Variants in DROSHA observed in about 807,000 individuals in gnomAD.
DROSHA encodes ribonuclease 3.
A neutral mutation model predicts 181.9 loss-of-function variants in DROSHA; 56 were observed. The observed-to-expected ratio is 0.31, with a 90% confidence interval of 0.25 to 0.38. The LOEUF (loss-of-function observed/expected upper bound fraction) is 0.38. Ranked by LOEUF, DROSHA falls within the 10% of genes least tolerant of loss-of-function variation. The pLI is 1.00. For synonymous variants in DROSHA, 524 were observed against 591.2 expected (o/e 0.89, Z 1.65); for missense variants, 1,218 against 1,743.5 (o/e 0.70, Z 5.37).
At chr5:31,403,422 T>C (rs1444405885) in intron 35 of DROSHA, among the ~76,000 whole-genome samples, 1 of 152,176 alleles carries the variant, frequency 6.6e-6, no homozygotes, top group Non-Finnish European at 1.5e-5. Flanking sequence ...TATACATATA[T>C]ATACACACAC....
In DROSHA at chr5:31,451,541, G is replaced by C; in HGVS notation, c.2674C>G (p.Leu892Val). ...AGGAGAATAATTCTTACCTGCAACA[G>C]ACAACGATCTTGGAAAGTATATCCT... ...LIGYTFQDRC[L>V]LQLAMTHPSH... is the part of the protein sequence containing the mutation. The change falls in exon 21 of 36, where the codon CTG becomes GTG. Residue 892 changes from leucine to valine, a missense_variant. Leu to Val is a conservative substitution (Grantham distance 32). Transcript: ENST00000344624. The C allele has an allele frequency of 6.2e-7, 1 of 1,609,976 alleles. No individual in the cohort carries two copies. Among genetic ancestry groups the C allele is most frequent in the Non-Finnish European group, 8.5e-7 (1 of 1,177,980 alleles).
At position 31,408,914 on chromosome 5, in the gene DROSHA, A is replaced by G. The variant is rs570149214; in HGVS notation, c.3854+142T>C. ...CCCAGTGAGTTTCCCTGTGGGGCCC[A>G]AAGTCACACTAACAGCCAAGAAGTC... On this transcript the variant is annotated intron_variant, in intron 33 of 35. Transcript: ENST00000344624. 27 of 727,074 alleles carry G rather than the reference A, an allele frequency of 3.7e-5. No individual in the cohort carries two copies. The South Asian group carries it at 4.6e-4, about 12-fold the overall frequency. 45.0% of individuals were successfully genotyped at this position (727,074 alleles called of 1,614,324 possible).
intron 13 of DROSHA, among the ~76,000 whole-genome samples, chr5:31,489,643 C>T (rs1424357873): frequency 6.7e-6 from 1 of 148,778 alleles, no homozygotes; most frequent in Non-Finnish European, 1.5e-5. Flanking sequence ...ACATCCTATA[C>T]TGACTTATAC....
At chr5:31,422,345 A>AG (rs981952058) in intron 29 of DROSHA, among the ~76,000 whole-genome samples, 2 of 152,132 alleles carry the variant, frequency 1.3e-5, no homozygotes, top group Non-Finnish European at 2.9e-5. Context: ...CATCTAGAGC[A>AG]GGGGTCAGAG....
rs149953630 is a variant in DROSHA, at chr5:31,442,384, T to C, written c.2883-5086A>G. Reference sequence around the variant, plus strand: ...AGTGGGCTGCTAGTCCTCACAGCAGTAGCAAATCTTTTGTTCCTTCTTTCA... The same window carrying C: ...AGTGGGCTGCTAGTCCTCACAGCAGCAGCAAATCTTTTGTTCCTTCTTTCA... On this transcript the variant is annotated intron_variant, in intron 23 of 35. Transcript: ENST00000344624. Among the ~76,000 whole-genome samples the C allele has an allele frequency of 2.3e-4, 35 of 152,294 alleles. No homozygotes were observed. In the East Asian group the frequency reaches 6.4e-3, roughly 28 times the overall value.
chr5:31,508,585 T>C (rs973723321), intron 10 of DROSHA, 36 bp downstream of exon 10: 2 of 1,613,308 alleles, frequency 1.2e-6, no homozygotes, highest in Admixed American at 1.7e-5. Flanking sequence ...ATGTCTGGGT[T>C]TGCAACCTTC....
intron 23 of DROSHA, among the ~76,000 whole-genome samples, chr5:31,445,140 C>T (rs944249531): frequency 2.0e-5 from 3 of 152,158 alleles, no homozygotes; most frequent in African/African-American, 7.2e-5. Flanking sequence ...TTTCCAACTC[C>T]CCATCTTAAA....
At chr5:31,518,843 C>A (rs1342728173) in intron 6 of DROSHA, among the ~76,000 whole-genome samples, 1 of 152,158 alleles carries the variant, frequency 6.6e-6, no homozygotes, top group Non-Finnish European at 1.5e-5. Context: ...TGTTTTATTG[C>A]CAAGAAACAC....
intron 17 of DROSHA, among the ~76,000 whole-genome samples, chr5:31,471,406 TAAAGAA>T (rs1358064604): frequency 6.6e-6 from 1 of 152,152 alleles, no homozygotes; most frequent in East Asian, 1.9e-4. Context: ...AAAATTGATA[TAAAGAA>T]AATGTTATGT....
At position 31,401,359 on chromosome 5, in the gene DROSHA, A is replaced by G. The variant is rs766853644; in HGVS notation, c.*73T>C. On this transcript the variant is annotated 3_prime_UTR_variant, in exon 36 of 36. Coordinates refer to ENST00000344624, the MANE Select transcript of DROSHA (RefSeq NM_001382508.1). The stretch of plus-strand genomic sequence containing the variant: ...CACTTCATTCATTGTCTGCAGGAAA[A>G]CTAGGCTAGGTCTCAATAGACAACA... The G allele has an allele frequency of 1.3e-6, 2 of 1,579,180 alleles. No individual in the cohort carries two copies. Among genetic ancestry groups the G allele is most frequent in the Non-Finnish European group, 1.7e-6 (2 of 1,155,736 alleles).
chr5:31,409,035 C>T lies in DROSHA; in HGVS notation c.3854+21G>A, dbSNP rs1193941938. On this transcript the variant is annotated intron_variant, in intron 33 of 35. Coordinates refer to ENST00000344624, the MANE Select transcript of DROSHA (RefSeq NM_001382508.1). This position sits in a 1 kb window ranked among gnomAD's most constrained non-coding sequence, Gnocchi z 4.0. The stretch of plus-strand genomic sequence containing the variant: ...AGGCATGCTGGATCCAACCAATGGC[C>T]TGCAGGCAACAAGTACTTACTTGTA... The T allele has an allele frequency of 1.2e-6, 2 of 1,609,136 alleles. No individual in the cohort carries two copies. Among genetic ancestry groups the T allele is most frequent in the East Asian group, 4.5e-5 (2 of 44,832 alleles).
intron 8 of DROSHA, among the ~76,000 whole-genome samples, chr5:31,511,931 GCACACA>G (rs140148677): frequency 8.9e-5 from 13 of 145,494 alleles, no homozygotes; most frequent in Non-Finnish European, 1.5e-5. Flanking sequence ...TCACACACAC[GCACACA>G]CACACACACA....
At chr5:31,496,873 T>C (rs1249109446) in intron 11 of DROSHA, among the ~76,000 whole-genome samples, 1 of 152,250 alleles carries the variant, frequency 6.6e-6, no homozygotes, top group African/African-American at 2.4e-5. Flanking sequence ...GCATCAGGTC[T>C]TTGAGGAAGC....
intron 21 of DROSHA, 145 bp from the exon 22 acceptor site, chr5:31,449,564 C>T (rs1278537254): frequency 2.2e-6 from 2 of 898,686 alleles, no homozygotes; most frequent in Middle Eastern, 7.0e-4. Flanking sequence ...GCCATCTCTA[C>T]AAAAAATAAA....
intron 13 of DROSHA, among the ~76,000 whole-genome samples, chr5:31,487,296 G>C (rs1580266726): frequency 6.6e-6 from 1 of 152,182 alleles, no homozygotes; most frequent in African/African-American, 2.4e-5. Flanking sequence ...TTAGCCACTA[G>C]AGTATACCCC....
intron 6 of DROSHA, among the ~76,000 whole-genome samples, chr5:31,517,868 C>T (rs116794025): frequency 2.8e-3 from 430 of 151,936 alleles, no homozygotes; most frequent in African/African-American, 9.9e-3. Flanking sequence ...CGTTCAAAGA[C>T]GAACCTGGGC....
chr5:31,525,584 A>G (rs562000511), intron 5 of DROSHA, among the ~76,000 whole-genome samples: 1 of 152,188 alleles, frequency 6.6e-6, no homozygotes, highest in African/African-American at 2.4e-5. Context: ...CGTTTTACAA[A>G]GAAACCAACC....
At chr5:31,521,800 TA>T (rs60787366) in intron 5 of DROSHA, among the ~76,000 whole-genome samples, 3 of 150,848 alleles carry the variant, frequency 2.0e-5, no homozygotes, top group Non-Finnish European at 3.0e-5. Flanking sequence ...TTACTTAATG[TA>T]AAAAAAAATA....
At chr5:31,524,542 G>A (rs1034519404) in intron 5 of DROSHA, among the ~76,000 whole-genome samples, 6 of 152,172 alleles carry the variant, frequency 3.9e-5, no homozygotes, top group South Asian at 4.1e-4. Flanking sequence ...ATCAGTGTAA[G>A]GGTTCACTGA....
Sources: allele counts gnomAD v4.1 joint callset (sites outside exome capture counted in the v4.1 genomes callset), GRCh38; gene constraint gnomAD v4.1.1; non-coding constraint Gnocchi (gnomAD v3.1); transcripts MANE v1.5; gene names NCBI Gene and HGNC (gene_info 2026-07-23, HGNC 2026-07-21).